Variants in ABL1 observed in about 807,000 individuals in gnomAD.
ABL1 encodes the protein ABL proto-oncogene 1, non-receptor tyrosine kinase, also known as tyrosine-protein kinase ABL1.
In ABL1, 11 loss-of-function variants were observed where a neutral mutation model predicts 94.7. That is an observed-to-expected ratio of 0.12 (90% CI 0.07 to 0.19). The LOEUF (loss-of-function observed/expected upper bound fraction) is 0.19. Ranked by LOEUF, ABL1 falls within the 10% of genes least tolerant of loss-of-function variation. The probability of loss-of-function intolerance (pLI) is 1.00; values close to 1 mark genes in which losing one functional copy is unlikely to be tolerated. For missense variants in ABL1, 1,082 were observed against 1,489.4 expected (o/e 0.73, Z 4.50); for synonymous variants, 656 against 622.4 (o/e 1.05, Z -0.80).
At chr9:130,730,006 G>A (rs1473441417) in intron 1 of ABL1, among the ~76,000 whole-genome samples, 2 of 148,812 alleles carry the variant, frequency 1.3e-5, no homozygotes, top group South Asian at 2.1e-4. Flanking sequence ...GCCCCCCAAA[G>A]TGCTGGGATT....
intron 1 of ABL1, among the ~76,000 whole-genome samples, chr9:130,819,948 G>C (rs1238828393): frequency 1.3e-5 from 2 of 151,518 alleles, no homozygotes; most frequent in East Asian, 3.9e-4. Context: ...TTTATACCAG[G>C]TGTTTTGGTC....
At chr9:130,749,357 T>G (rs1216113510) in intron 1 of ABL1, among the ~76,000 whole-genome samples, 1 of 152,212 alleles carries the variant, frequency 6.6e-6, no homozygotes, top group Non-Finnish European at 1.5e-5. Flanking sequence ...AAATAAACAG[T>G]ATTTCAATCT....
intron 1 of ABL1, among the ~76,000 whole-genome samples, chr9:130,766,763 G>A (rs1005225766): frequency 1.3e-5 from 2 of 152,052 alleles, no homozygotes; most frequent in East Asian, 1.9e-4. Flanking sequence ...CTACCACCCC[G>A]GCCCCACCCT....
At chr9:130,834,383 G>C (rs1217922309), upstream of ABL1, among the ~76,000 whole-genome samples, 1 of 152,126 alleles carries the variant, frequency 6.6e-6, no homozygotes, top group Non-Finnish European at 1.5e-5. Flanking sequence ...GTGCCATTGA[G>C]TTCCTTATTG....
chr9:130,770,854 A>G (rs537816714), intron 1 of ABL1, among the ~76,000 whole-genome samples: 2 of 152,288 alleles, frequency 1.3e-5, no homozygotes, highest in African/African-American at 2.4e-5. Flanking sequence ...TTCCCAGCCT[A>G]CCCCTTAACC....
At chr9:130,854,352 G>T in intron 2 of ABL1, 115 bp downstream of exon 2, 1 of 1,212,520 alleles carries the variant, frequency 8.2e-7, no homozygotes, top group South Asian at 1.5e-5. Flanking sequence ...TGGACTGCAG[G>T]GATATCCAAA....
chr9:130,734,429 A>G (rs1342543247), intron 1 of ABL1, among the ~76,000 whole-genome samples: 3 of 149,624 alleles, frequency 2.0e-5, no homozygotes, highest in Non-Finnish European at 4.4e-5. Flanking sequence ...GTTAGCCAGG[A>G]TGGTCTTGAT....
At chr9:130,730,865 C>T (rs1831655830) in intron 1 of ABL1, among the ~76,000 whole-genome samples, 2 of 151,638 alleles carry the variant, frequency 1.3e-5, no homozygotes, top group Admixed American at 1.3e-4. Context: ...AGCTACCGTG[C>T]CTAGCCTGTG....
chr9:130,794,010 C>T (rs1829941981), intron 1 of ABL1, among the ~76,000 whole-genome samples: 1 of 152,092 alleles, frequency 6.6e-6, no homozygotes, highest in Non-Finnish European at 1.5e-5. Context: ...GGAAAACAAG[C>T]TCAGGGCTCC....
At position 130,885,859 on chromosome 9, in the gene ABL1, A is replaced by T; in HGVS notation, c.*176A>T. 1.2e-6 allele frequency: 1 copy of T among 800,320 alleles called. No individual in the cohort carries two copies. The highest frequency in any genetic ancestry group is 1.9e-6 in the Non-Finnish European group (1 of 525,614). The allele number at this position is 800,320 out of a possible 1,614,324, so 49.6% of individuals were successfully genotyped here. ...GTCCAGCTCTACTACCTACGTTTGC[A>T]CCGCCTGCCCTCCCGCACCTTCCTC... On this transcript the variant is annotated 3_prime_UTR_variant, in exon 11 of 11. Coordinates refer to ENST00000318560, the MANE Select transcript of ABL1 (RefSeq NM_005157.6).
At chr9:130,753,422 C>CTTTTTTT (rs71389347) in intron 1 of ABL1, among the ~76,000 whole-genome samples, 29 of 90,340 alleles carry the variant, frequency 3.2e-4, no homozygotes, top group South Asian at 4.5e-4. Context: ...TTTTTCTTTT[C>CTTTTTTT]TTTTTTTTTT....
chr9:130,789,015 G>C (rs1829867634), intron 1 of ABL1, among the ~76,000 whole-genome samples: 1 of 151,970 alleles, frequency 6.6e-6, no homozygotes, highest in African/African-American at 2.4e-5. Context: ...TTTTCTCCCT[G>C]TGATTTCCTG....
intron 1 of ABL1, among the ~76,000 whole-genome samples, chr9:130,848,649 A>G (rs146293423): frequency 6.6e-6 from 1 of 151,614 alleles, no homozygotes; most frequent in African/African-American, 2.4e-5. Context: ...TATAAAGAAA[A>G]TGTAAGGCCA....
intron 1 of ABL1, among the ~76,000 whole-genome samples, chr9:130,800,584 G>T (rs1830041293): frequency 6.6e-6 from 1 of 152,196 alleles, no homozygotes; most frequent in South Asian, 2.1e-4. Flanking sequence ...TCCACTTTCT[G>T]TGTCTGTAGT....
intron 1 of ABL1, among the ~76,000 whole-genome samples, chr9:130,807,519 C>T (rs1830141981): frequency 6.6e-6 from 1 of 151,874 alleles, no homozygotes; most frequent in Non-Finnish European, 1.5e-5. Context: ...GGATTACAGG[C>T]TTAAGCTACC....
At chr9:130,818,406 G>T (rs1166169962) in intron 1 of ABL1, among the ~76,000 whole-genome samples, 2 of 152,120 alleles carry the variant, frequency 1.3e-5, no homozygotes, top group Admixed American at 1.3e-4. Context: ...GGAGGAAGAG[G>T]TTGCAGTGAG....
chr9:130,731,991 C>T (rs1203376233), intron 1 of ABL1, among the ~76,000 whole-genome samples: 1 of 151,478 alleles, frequency 6.6e-6, no homozygotes, highest in African/African-American at 2.4e-5. Context: ...ATACCTGCTG[C>T]TTCTTTCCAA....
intron 1 of ABL1, among the ~76,000 whole-genome samples, chr9:130,828,816 C>T (rs1043853553): frequency 6.6e-6 from 1 of 151,808 alleles, no homozygotes; most frequent in Non-Finnish European, 1.5e-5. Flanking sequence ...AACGAAGAAA[C>T]AAATGGAGGA....
intron 1 of ABL1, among the ~76,000 whole-genome samples, chr9:130,843,209 A>G (rs1830704430): frequency 1.3e-5 from 2 of 152,228 alleles, no homozygotes; most frequent in African/African-American, 4.8e-5. Flanking sequence ...TGCACTGAGC[A>G]GGCACAGAAG....
Sources: allele counts gnomAD v4.1 joint callset (sites outside exome capture counted in the v4.1 genomes callset), GRCh38; gene constraint gnomAD v4.1.1; transcripts MANE v1.5; gene names NCBI Gene and HGNC (gene_info 2026-07-23, HGNC 2026-07-21).